GAS6: variants seen among roughly 807,000 people sequenced by gnomAD.
The protein encoded by GAS6 is growth arrest-specific protein 6.
GAS6 carries 41 observed loss-of-function variants against 75.8 expected under a neutral mutation model. That is an observed-to-expected ratio of 0.54 (90% CI 0.42 to 0.70). The LOEUF (loss-of-function observed/expected upper bound fraction) is 0.70. Ranked by LOEUF, GAS6 falls within the 30% of genes least tolerant of loss-of-function variation. GAS6 has a pLI of 0.00. For synonymous variants in GAS6, 432 were observed against 412.6 expected, an observed-to-expected ratio of 1.05 and a Z score of -0.57; for missense variants, 854 against 940.2, an observed-to-expected ratio of 0.91 and a Z score of 1.20.
chr13:113,822,105 C>T lies in GAS6; in HGVS notation c.1735G>A (p.Val579Ile), dbSNP rs761466951. 56 of 1,600,404 alleles carry T rather than the reference C, an allele frequency of 3.5e-5. No individual in the cohort carries two copies. The highest frequency in any genetic ancestry group is 5.3e-5 in the African/African-American group (4 of 74,880). The change falls in exon 14 of 15, where the codon GTC becomes ATC. Residue 579 changes from valine to isoleucine, a missense_variant. Physicochemically the swap from Val to Ile is conservative, Grantham distance 29. Transcript: ENST00000327773. ...GTGGCCTCACCGTCCCTCAGCGAGA[C>T]GGTGACCACGTGCTCTTGGCCGTCG... ...VCDGQEHVVTVSLRDGEATLE... is the reference protein window; with the variant it reads ...VCDGQEHVVTISLRDGEATLE...
chr13:113,858,687 C>G (rs1243292895), intron 2 of GAS6, among the ~76,000 whole-genome samples: 4 of 122,436 alleles, frequency 3.3e-5, no homozygotes, highest in Non-Finnish European at 4.9e-5. Context: ...GTATGCATGT[C>G]TGTGTGTGTG....
chr13:113,849,350 G>C (rs1279546622), intron 2 of GAS6, among the ~76,000 whole-genome samples: 1 of 152,118 alleles, frequency 6.6e-6, no homozygotes, highest in Non-Finnish European at 1.5e-5. Context: ...GTCATGGGTT[G>C]GCAAACTCCA....
At chr13:113,853,058 G>A (rs1034710224) in intron 2 of GAS6, among the ~76,000 whole-genome samples, 8 of 152,222 alleles carry the variant, frequency 5.3e-5, no homozygotes, top group African/African-American at 1.9e-4. Context: ...AGGGTTTCCA[G>A]TGGTCTCTCG....
Position 113,823,589 on chromosome 13 carries a change from G to A in GAS6, c.1478-39C>T, listed in dbSNP as rs753040178. ...GGTGCATTATAGGGTGGTATGCACGGTGGAGAGGCCACAGTGAGGTCGGAG... is the reference window on the plus strand; with the variant it reads ...GGTGCATTATAGGGTGGTATGCACGATGGAGAGGCCACAGTGAGGTCGGAG... On this transcript the variant is annotated intron_variant, in intron 12 of 14. Coordinates refer to ENST00000327773, the MANE Select transcript of GAS6 (RefSeq NM_000820.4). 19 of 1,568,260 alleles carry A rather than the reference G, an allele frequency of 1.2e-5. No individual in the cohort carries two copies. In the Admixed American group the frequency reaches 1.9e-4, roughly 16 times the overall value.
At position 113,821,863 on chromosome 13, in the gene GAS6, C is replaced by G. The variant is rs988605107; in HGVS notation, c.1882+95G>C. ...ACAAGTCCTCTTCCGCATTCACTAC[C>G]AGAAACCCCAGCCTGTCCAGGTTAG... On this transcript the variant is annotated intron_variant, in intron 14 of 14. Coordinates refer to ENST00000327773, the MANE Select transcript of GAS6 (RefSeq NM_000820.4). The G allele has an allele frequency of 9.9e-5, 101 of 1,015,758 alleles. 1 individual carries two copies. Among genetic ancestry groups the G allele is most frequent in the Non-Finnish European group, 1.3e-4 (92 of 719,496 alleles). 62.9% of individuals were successfully genotyped at this position (1,015,758 alleles called of 1,614,324 possible).
chr13:113,842,533 G>A (rs1349912232), intron 4 of GAS6: 6 of 396,600 alleles, frequency 1.5e-5, no homozygotes, highest in Admixed American at 4.4e-5. Flanking sequence ...TGGAGACGTC[G>A]ATGTGGTCAT....
chr13:113,859,322 G>A (rs1178481028), intron 2 of GAS6, among the ~76,000 whole-genome samples: 1 of 144,506 alleles, frequency 6.9e-6, no homozygotes, highest in Non-Finnish European at 1.5e-5. Flanking sequence ...GTTAGTATGT[G>A]TGTGCATGTC....
chr13:113,821,653 T>C (rs1372276896), intron 14 of GAS6: 16 of 403,014 alleles, frequency 4.0e-5, no homozygotes, highest in Admixed American at 2.1e-4. Flanking sequence ...TGCCCAGCCC[T>C]CTCCCCCGGG....
intron 3 of GAS6, 197 bp downstream of exon 3, chr13:113,847,829 C>T (rs1163453388): frequency 2.1e-5 from 13 of 629,790 alleles, no homozygotes; most frequent in Admixed American, 3.0e-5. Context: ...TCCACTAACA[C>T]GGAATAAAGC....
At chr13:113,839,696 GA>G in intron 5 of GAS6, 31 bp downstream of exon 5, 1 of 1,609,764 alleles carries the variant, frequency 6.2e-7, no homozygotes, top group Non-Finnish European at 8.5e-7. Flanking sequence ...GAGATGGAGG[GA>G]GACCCCGCCT....
chr13:113,821,783 G>C (rs951836817), intron 14 of GAS6, 175 bp downstream of exon 14: 2 of 582,240 alleles, frequency 3.4e-6, no homozygotes, highest in Non-Finnish European at 6.0e-6. Flanking sequence ...GACCAGCACC[G>C]AGACACCATA....
chr13:113,828,353 A>G (rs1230977916), intron 11 of GAS6, among the ~76,000 whole-genome samples, 194 bp downstream of exon 11: 1 of 152,246 alleles, frequency 6.6e-6, no homozygotes, highest in Non-Finnish European at 1.5e-5. Flanking sequence ...TAGGTCTCAT[A>G]AAAAGAGATG....
intron 3 of GAS6, chr13:113,847,042 C>A: frequency 2.0e-6 from 1 of 506,248 alleles, no homozygotes; most frequent in East Asian, 5.6e-5. Flanking sequence ...GCAGACATCC[C>A]GCTAGGGCGG....
At chr13:113,842,139 T>A (rs1220302795) in intron 4 of GAS6, 18 of 127,058 alleles carry the variant, frequency 1.4e-4, no homozygotes, top group African/African-American at 7.4e-4. Flanking sequence ...TTCCTCTGTA[T>A]GCTTCAGTTT....
At position 113,863,456 on chromosome 13, in the gene GAS6, C is replaced by T; in HGVS notation, c.255+119G>A. 9.8e-7 allele frequency: 1 copy of T among 1,016,116 alleles called. No homozygotes were observed. Among genetic ancestry groups the T allele is most frequent in the Non-Finnish European group, 1.3e-6 (1 of 767,152 alleles). 62.9% of individuals were successfully genotyped at this position (1,016,116 alleles called of 1,614,324 possible). On this transcript the variant is annotated intron_variant, in intron 2 of 14. Transcript: ENST00000327773. This position sits in a 1 kb window ranked among gnomAD's most constrained non-coding sequence, Gnocchi z 9.4. ...GCGGGGCGGGCCGGGGCTCCTGGGA[C>T]CCTGAGGCCAGGCCTCGCCGCGCGG... is the stretch of plus-strand genomic sequence containing the variant.
At chr13:113,840,205 T>C (rs1406714431) in intron 4 of GAS6, 2 of 258,436 alleles carry the variant, frequency 7.7e-6, no homozygotes, top group Non-Finnish European at 1.5e-5. Flanking sequence ...CCAGCTGACC[T>C]GGGGGCTTCC....
In GAS6 at chr13:113,835,705, C is replaced by A. The variant is rs2051694658; in HGVS notation, c.590-70G>T. 5 of 1,573,634 alleles carry A rather than the reference C, an allele frequency of 3.2e-6. No individual in the cohort carries two copies. In the African/African-American group the frequency reaches 5.4e-5, roughly 17 times the overall value. Reference sequence around the variant, plus strand: ...CAGACGGGGCTGGGGCAGGCGGCTGCAGGGACTGGCCAGGGCACCACCCAG... The same window carrying A: ...CAGACGGGGCTGGGGCAGGCGGCTGAAGGGACTGGCCAGGGCACCACCCAG... On this transcript the variant is annotated intron_variant, in intron 6 of 14. Coordinates refer to ENST00000327773, the MANE Select transcript of GAS6 (RefSeq NM_000820.4).
At chr13:113,824,581 A>G (rs1271106573) in intron 12 of GAS6, among the ~76,000 whole-genome samples, 1 of 152,202 alleles carries the variant, frequency 6.6e-6, no homozygotes, top group Non-Finnish European at 1.5e-5. Context: ...AAGTCCTGAT[A>G]AAGAAGCTGT....
chr13:113,844,163 C>T lies in GAS6; in HGVS notation c.343+2364G>A, dbSNP rs1055839645. ...GCTTCTGGCCTGGGGCAGGTGGACC[C>T]GTTAGAAACTGCATGTGTTGCCTCT... On this transcript the variant is annotated intron_variant, in intron 4 of 14. Transcript: ENST00000327773. This position sits in a 1 kb window ranked among gnomAD's most constrained non-coding sequence, Gnocchi z 5.7. 1.3e-5 allele frequency: 2 copies of T among 150,764 alleles called. No individual in the cohort carries two copies. Among genetic ancestry groups the T allele is most frequent in the South Asian group, 2.1e-4 (1 of 4,822 alleles). 9.3% of individuals were successfully genotyped at this position (150,764 alleles called of 1,614,324 possible).
Sources: allele counts gnomAD v4.1 joint callset (sites outside exome capture counted in the v4.1 genomes callset), GRCh38; gene constraint gnomAD v4.1.1; non-coding constraint Gnocchi (gnomAD v3.1); transcripts MANE v1.5; gene names NCBI Gene and HGNC (gene_info 2026-07-23, HGNC 2026-07-21).